The following SYNPR variants were observed in gnomAD, a reference collection of about 807,000 sequenced individuals.
The protein encoded by SYNPR is synaptoporin.
SYNPR carries 23 observed loss-of-function variants against 32.9 expected under a neutral mutation model. That is an observed-to-expected ratio of 0.70 (90% CI 0.50 to 0.99). The LOEUF (loss-of-function observed/expected upper bound fraction) is 0.99, where lower values mean the gene tolerates loss of function less well. Ranked by LOEUF, SYNPR falls within the 50% of genes least tolerant of loss-of-function variation. SYNPR has a pLI of 0.00. For missense variants in SYNPR, 318 were observed against 349.3 expected (o/e 0.91, Z 0.71); for synonymous variants, 146 against 135.9 (o/e 1.07, Z -0.52).
chr3:63,401,968 A>C (rs1423315330), intron 2 of SYNPR, among the ~76,000 whole-genome samples: 3 of 152,150 alleles, frequency 2.0e-5, no homozygotes, highest in Non-Finnish European at 4.4e-5. Flanking sequence ...CCTAGAGAAC[A>C]AAGTCTTCTC....
At chr3:63,459,135 C>G (rs1700536918) in intron 2 of SYNPR, among the ~76,000 whole-genome samples, 1 of 152,020 alleles carries the variant, frequency 6.6e-6, no homozygotes, top group Non-Finnish European at 1.5e-5. Flanking sequence ...TCCACTAATT[C>G]ACTATGACAA....
chr3:63,268,903 C>A (rs925193310), intron 3 of SYNPR, among the ~76,000 whole-genome samples: 1 of 152,066 alleles, frequency 6.6e-6, no homozygotes, highest in East Asian at 1.9e-4. Context: ...TTGCACTGTG[C>A]GAATGCTAGA....
intron 4 of SYNPR, among the ~76,000 whole-genome samples, chr3:63,592,608 G>A (rs962856484): frequency 6.6e-6 from 1 of 152,034 alleles, no homozygotes; most frequent in African/African-American, 2.4e-5. Context: ...ATAAATAGTA[G>A]TTAAGGAATT....
chr3:63,389,507 G>T (rs1036990699), intron 2 of SYNPR, among the ~76,000 whole-genome samples: 5 of 152,140 alleles, frequency 3.3e-5, no homozygotes, highest in African/African-American at 1.2e-4. Flanking sequence ...ATACTCTTTG[G>T]TTTTTATTGG....
At chr3:63,384,667 C>A (rs1170344060) in intron 2 of SYNPR, among the ~76,000 whole-genome samples, 1 of 152,146 alleles carries the variant, frequency 6.6e-6, no homozygotes, top group Admixed American at 6.5e-5. Context: ...TTATGTTAAG[C>A]CTTTCCATTA....
chr3:63,499,258 TG>T (rs1701433454), intron 3 of SYNPR, among the ~76,000 whole-genome samples: 1 of 152,142 alleles, frequency 6.6e-6, no homozygotes, highest in South Asian at 2.1e-4. Flanking sequence ...AATGAAGTTT[TG>T]GGGTCCAAGA....
At chr3:63,221,999 A>G in the SYNPR span, among the ~76,000 whole-genome samples, 1 of 79,994 alleles carries the variant, frequency 1.3e-5, no homozygotes, top group African/African-American at 4.1e-5. Flanking sequence ...TCTGTGCAAG[A>G]GGCCATGCTC....
chr3:63,599,436 A>T (rs995029265), intron 4 of SYNPR, among the ~76,000 whole-genome samples: 4 of 151,020 alleles, frequency 2.6e-5, no homozygotes, highest in Admixed American at 2.0e-4. Context: ...ATGTGTTTAC[A>T]TACACAAATA....
At chr3:63,202,510 C>T in the SYNPR span, among the ~76,000 whole-genome samples, 1 of 152,066 alleles carries the variant, frequency 6.6e-6, no homozygotes, top group African/African-American at 2.4e-5. Flanking sequence ...TGAACACAGG[C>T]AAGAGGAAAA....
At chr3:63,587,409 A>G (rs2106871076) in intron 4 of SYNPR, among the ~76,000 whole-genome samples, 1 of 152,254 alleles carries the variant, frequency 6.6e-6, no homozygotes, top group South Asian at 2.1e-4. Flanking sequence ...TCATTGCATT[A>G]TTTCCAGCCA....
At chr3:63,467,296 G>T (rs942500983) in intron 2 of SYNPR, among the ~76,000 whole-genome samples, 1 of 152,194 alleles carries the variant, frequency 6.6e-6, no homozygotes, top group Admixed American at 6.5e-5. Context: ...TTGGTCACCT[G>T]CCAGTAGTGT....
intron 3 of SYNPR, among the ~76,000 whole-genome samples, chr3:63,271,817 T>C (rs1461889603): frequency 6.6e-6 from 1 of 152,076 alleles, no homozygotes; most frequent in Non-Finnish European, 1.5e-5. Context: ...TATCTATATA[T>C]TTAATCTATA....
At chr3:63,347,051 T>G (rs902363317) in intron 2 of SYNPR, among the ~76,000 whole-genome samples, 1 of 152,196 alleles carries the variant, frequency 6.6e-6, no homozygotes, top group South Asian at 2.1e-4. Context: ...AAAATAATAC[T>G]AGGGCTTACC....
chr3:63,250,778 G>A (rs979091711), intron 1 of SYNPR, among the ~76,000 whole-genome samples: 11 of 152,152 alleles, frequency 7.2e-5, no homozygotes, highest in African/African-American at 1.2e-4. Flanking sequence ...TAGAGTTCAC[G>A]TTAACCATGA....
At chr3:63,417,544 C>T (rs2088557851) in intron 2 of SYNPR, among the ~76,000 whole-genome samples, 1 of 152,254 alleles carries the variant, frequency 6.6e-6, no homozygotes, top group Non-Finnish European at 1.5e-5. Flanking sequence ...TCCCACCCTA[C>T]ATTTCCCTTC....
chr3:63,276,055 T>C (rs1256495066), upstream of SYNPR, among the ~76,000 whole-genome samples: 1 of 152,208 alleles, frequency 6.6e-6, no homozygotes, highest in Non-Finnish European at 1.5e-5. Context: ...TTCATGTCCA[T>C]CAAGGTCTGG....
chr3:63,205,235 T>TA, the SYNPR span, among the ~76,000 whole-genome samples: 10 of 152,354 alleles, frequency 6.6e-5, no homozygotes, highest in Middle Eastern at 6.8e-3. Context: ...ATTGTATCCC[T>TA]AACACTTAGC....
intron 3 of SYNPR, among the ~76,000 whole-genome samples, chr3:63,519,971 A>G (rs866011785): frequency 6.6e-6 from 1 of 152,224 alleles, no homozygotes; most frequent in Non-Finnish European, 1.5e-5. Flanking sequence ...AGAAACATAT[A>G]TAAACACATA....
At chr3:63,267,713 A>C (rs1254381496) in intron 3 of SYNPR, among the ~76,000 whole-genome samples, 1 of 152,206 alleles carries the variant, frequency 6.6e-6, no homozygotes, top group Non-Finnish European at 1.5e-5. Context: ...GAATAGGGGA[A>C]GATTTAACTT....
Sources: gnomAD v4.1 joint callset for allele counts (sites outside exome capture counted in the v4.1 genomes callset) on GRCh38, gnomAD v4.1.1 for gene constraint, MANE v1.5 for transcripts, NCBI Gene and HGNC (gene_info 2026-07-23, HGNC 2026-07-21) for gene names.